The following TAF1A variants were observed in gnomAD, a reference collection of about 807,000 sequenced individuals.
TAF1A encodes TATA-box binding protein associated factor, RNA polymerase I subunit A.
TAF1A carries 42 observed loss-of-function variants against 61.6 expected under a neutral mutation model. That is an observed-to-expected ratio of 0.68 (90% CI 0.53 to 0.88). The LOEUF (loss-of-function observed/expected upper bound fraction) is 0.88, where lower values mean the gene tolerates loss of function less well. TAF1A is among the 40% of genes least tolerant of loss of function. The probability of loss-of-function intolerance (pLI) is 0.00; values close to 1 mark genes in which losing one functional copy is unlikely to be tolerated. For synonymous variants in TAF1A, 179 were observed against 177.7 expected (o/e 1.01, Z -0.06); for missense variants, 424 against 518.7 (o/e 0.82, Z 1.77).
chr1:222,584,266 A>G lies in TAF1A; in HGVS notation c.153T>C (p.Ala51=). The change falls in exon 3 of 11, where the codon GCT becomes GCC. Residue 51 remains alanine (A), a synonymous_variant. Coordinates refer to ENST00000352967, the MANE Select transcript of TAF1A (RefSeq NM_005681.4). ...AIGGKRRKDF[A]QTTSACLSFI... Reference sequence around the variant, plus strand: ...AACTTAAACAAGCACTTGTTGTCTGAGCAAAATCCTTCCTCCTTTTCCCTC... The same window carrying G: ...AACTTAAACAAGCACTTGTTGTCTGGGCAAAATCCTTCCTCCTTTTCCCTC... 1 of 1,607,146 alleles carries G rather than the reference A, an allele frequency of 6.2e-7. No homozygotes were observed. Among genetic ancestry groups the G allele is most frequent in the East Asian group, 2.2e-5 (1 of 44,688 alleles).
chr1:222,587,988 C>T (rs1057508475), intron 2 of TAF1A, among the ~76,000 whole-genome samples: 1 of 151,156 alleles, frequency 6.6e-6, no homozygotes, highest in African/African-American at 2.4e-5. Flanking sequence ...ACAGAGGTTG[C>T]AGTGAGCCAA....
Position 222,564,656 on chromosome 1 carries a change from A to T in TAF1A, c.895-531T>A, listed in dbSNP as rs148073859. 2.0e-3 allele frequency among the ~76,000 whole-genome samples: 306 copies of T among 152,248 alleles called. 4 individuals carry two copies. Among genetic ancestry groups the T allele is most frequent in the African/African-American group, 6.7e-3 (277 of 41,570 alleles). On this transcript the variant is annotated intron_variant, in intron 7 of 10. Transcript: ENST00000352967. ...TTAACAACCTTTCACACAATGAAAA[A>T]ATTAAAGATTTTTCTTTTAAAAAAT... is the stretch of plus-strand genomic sequence containing the variant.
At chr1:222,562,776 A>T (rs142155990) in intron 9 of TAF1A, among the ~76,000 whole-genome samples, 1 of 152,174 alleles carries the variant, frequency 6.6e-6, no homozygotes, top group South Asian at 2.1e-4. Flanking sequence ...GGTCCTAAAA[A>T]TACTCACTGA....
At chr1:222,568,777 A>AT (rs1213217128) in intron 7 of TAF1A, 3 of 152,272 alleles carry the variant, frequency 2.0e-5, no homozygotes, top group African/African-American at 7.2e-5. Context: ...ACATGAAAAT[A>AT]TATGTGTATA....
At chr1:222,587,462 C>T (rs1327284607) in intron 2 of TAF1A, among the ~76,000 whole-genome samples, 3 of 152,024 alleles carry the variant, frequency 2.0e-5, no homozygotes, top group Middle Eastern at 3.4e-3. Flanking sequence ...AAAATGGAAG[C>T]GAAATTTTAG....
chr1:222,579,402 T>C (rs1317152002), intron 4 of TAF1A, among the ~76,000 whole-genome samples: 6 of 152,216 alleles, frequency 3.9e-5, no homozygotes, highest in African/African-American at 1.4e-4. Context: ...CGTATTTAAA[T>C]TCCCAACTTG....
rs74414131 is a variant in TAF1A at position 222,562,358 on chromosome 1, A to C, written c.1085+815T>G. Among the ~76,000 whole-genome samples, 559 of 152,292 alleles carry C rather than the reference A, an allele frequency of 3.7e-3. 4 individuals carry two copies. The highest frequency in any genetic ancestry group is 0.013 in the African/African-American group (537 of 41,572). On this transcript the variant is annotated intron_variant, in intron 9 of 10. Transcript: ENST00000352967. ...GTGCCCCCTATGGTAGAACAAATAGAGGTTCGAAAAAATGAACCTCTTTGC... is the reference window on the plus strand; with the variant it reads ...GTGCCCCCTATGGTAGAACAAATAGCGGTTCGAAAAAATGAACCTCTTTGC...
intron 8 of TAF1A, among the ~76,000 whole-genome samples, chr1:222,563,766 T>C (rs1362039257): frequency 2.0e-5 from 3 of 152,228 alleles, no homozygotes; most frequent in Non-Finnish European, 4.4e-5. Flanking sequence ...CCATTTCTCT[T>C]TTGCAAACTA....
intron 7 of TAF1A, among the ~76,000 whole-genome samples, chr1:222,567,842 A>C (rs1159933108): frequency 6.6e-6 from 1 of 152,212 alleles, no homozygotes; most frequent in Non-Finnish European, 1.5e-5. Flanking sequence ...TACAGTAACC[A>C]TATTAAGGCC....
At chr1:222,589,576 A>G (rs571745590) in intron 1 of TAF1A, among the ~76,000 whole-genome samples, 151 bp downstream of exon 1, 1 of 152,290 alleles carries the variant, frequency 6.6e-6, no homozygotes, top group East Asian at 1.9e-4. Flanking sequence ...TGCCACGGCA[A>G]CCAAAGCTTC....
chr1:222,577,415 A>G (rs985397670), intron 5 of TAF1A, 30 bp downstream of exon 5: 2 of 1,591,218 alleles, frequency 1.3e-6, no homozygotes, highest in Non-Finnish European at 1.7e-6. Context: ...CAGTCTCATC[A>G]TAAGAAAAAG....
Position 222,561,506 on chromosome 1 carries a change from C to T in TAF1A, c.1098G>A (p.Ala366=), listed in dbSNP as rs145865374. ...TGGAGTTCCACTCTTCTTGAACCCA[C>T]GCAAGGTGGTTTCTGGAAAAGAAAA... ...LKNILMGNHL[A]WVQEEWNSRK... Residue 366 remains alanine, a synonymous_variant, in exon 10 of 11, where the codon GCG becomes GCA. Transcript: ENST00000352967. The T allele has an allele frequency of 1.3e-5, 21 of 1,592,176 alleles. No individual in the cohort carries two copies. Among genetic ancestry groups the T allele is most frequent in the South Asian group, 5.8e-5 (5 of 86,846 alleles).
intron 10 of TAF1A, among the ~76,000 whole-genome samples, chr1:222,560,566 A>C (rs1216865418): frequency 6.6e-6 from 1 of 151,976 alleles, no homozygotes; most frequent in Non-Finnish European, 1.5e-5. Context: ...AATCCAAATC[A>C]CCTTTCTGTT....
At chr1:222,569,720 C>A in intron 6 of TAF1A, 52 bp from the exon 7 acceptor site, 2 of 1,502,564 alleles carry the variant, frequency 1.3e-6, no homozygotes, top group Middle Eastern at 1.8e-4. Context: ...GACAGCTATA[C>A]GAAAAATAAT....
In TAF1A at chr1:222,558,763, T is replaced by A; in HGVS notation, c.1250A>T (p.Tyr417Phe). Residue 417 changes from tyrosine (Y) to phenylalanine (F), a missense_variant, in exon 11 of 11, where the codon TAT becomes TTT. Physicochemically the swap from Tyr to Phe is conservative, Grantham distance 22 (BLOSUM62 3). Coordinates refer to ENST00000352967, the MANE Select transcript of TAF1A (RefSeq NM_005681.4). ...ATCTTGCTTTAAAATATACCGGAAA[T>A]ATCTACAACCTAAAAAGTTAAGCAA... ...AGLLLGKGCR[Y>F]FRYILKQDHQ... 1 of 1,511,256 alleles carries A rather than the reference T, an allele frequency of 6.6e-7. No individual in the cohort carries two copies. Among genetic ancestry groups the A allele is most frequent in the Non-Finnish European group, 8.9e-7 (1 of 1,118,526 alleles). 93.6% of individuals were successfully genotyped at this position (1,511,256 alleles called of 1,614,324 possible). A position where few individuals can be genotyped will look rare whatever the true frequency, so the allele number is the denominator to read the frequency against.
At chr1:222,574,794 A>T (rs1332454138) in intron 5 of TAF1A, among the ~76,000 whole-genome samples, 1 of 152,222 alleles carries the variant, frequency 6.6e-6, no homozygotes, top group Non-Finnish European at 1.5e-5. Flanking sequence ...CATTGTTTAC[A>T]AATGTATACA....
At chr1:222,561,154 A>T (rs1402750982) in intron 10 of TAF1A, among the ~76,000 whole-genome samples, 1 of 152,148 alleles carries the variant, frequency 6.6e-6, no homozygotes, top group East Asian at 1.9e-4. Flanking sequence ...AAGTCAGGAG[A>T]TGAAAACCGT....
At chr1:222,578,508 G>A (rs1265663819) in intron 4 of TAF1A, among the ~76,000 whole-genome samples, 2 of 152,198 alleles carry the variant, frequency 1.3e-5, no homozygotes, top group African/African-American at 4.8e-5. Context: ...GTGATTTTTA[G>A]AGTAACTAAA....
downstream of TAF1A, chr1:222,558,144 G>C (rs894565048): frequency 6.6e-6 from 1 of 151,838 alleles, no homozygotes; most frequent in African/African-American, 2.4e-5. Flanking sequence ...GGCCTCCCAA[G>C]TGCTGGGATT....
Sources: allele counts gnomAD v4.1 joint callset (sites outside exome capture counted in the v4.1 genomes callset), GRCh38; gene constraint gnomAD v4.1.1; transcripts MANE v1.5; gene names NCBI Gene and HGNC (gene_info 2026-07-23, HGNC 2026-07-21).